The following ZNF337 variants were observed in gnomAD, a reference collection of about 807,000 sequenced individuals.
The protein encoded by ZNF337 is zinc finger protein 337.
In ZNF337, 8 loss-of-function variants were observed where a neutral mutation model predicts 12.1. The observed-to-expected ratio is 0.66, with a 90% CI of 0.39 to 1.19. ZNF337 has a LOEUF of 1.19. Ranked by LOEUF, ZNF337 falls within the 50% of genes most tolerant of loss-of-function variation. The pLI, the probability that ZNF337 is intolerant of heterozygous loss-of-function variation, is 0.01. For synonymous variants in ZNF337, 336 were observed against 320.0 expected (o/e 1.05, Z -0.53); for missense variants, 882 against 896.6 (o/e 0.98, Z 0.21).
chr20:25,685,907 AAAC>A (rs2122427791), intron 3 of ZNF337, 86 bp downstream of exon 3: 2 of 1,526,530 alleles, frequency 1.3e-6, no homozygotes, highest in South Asian at 2.6e-5. Flanking sequence ...GGAATAGAGA[AAAC>A]AACATTCTTG....
intron 4 of ZNF337, among the ~76,000 whole-genome samples, chr20:25,681,569 A>G (rs1034894087): frequency 6.6e-6 from 1 of 152,238 alleles, no homozygotes; most frequent in Admixed American, 6.5e-5. Context: ...TTCCACTTAC[A>G]TGAAGTTCTA....
At position 25,676,528 on chromosome 20, in the gene ZNF337, G is replaced by A; in HGVS notation, c.760C>T (p.His254Tyr). The change falls in exon 5 of 5, where the codon CAC becomes TAC. Residue 254 changes from histidine to tyrosine, a missense_variant. Coordinates refer to ENST00000252979, the MANE Select transcript of ZNF337 (RefSeq NM_015655.4). ...GFSLKANLLR[H>Y]QRTHSGEKPF... ...TTCTCTCCTGAGTGTGTCCTCTGGT[G>A]TCTGAGGAGGTTGGCCTTGAGGCTG... 1 of 1,614,182 alleles carries A rather than the reference G, an allele frequency of 6.2e-7. No homozygotes were observed. Among genetic ancestry groups the A allele is most frequent in the Non-Finnish European group, 8.5e-7 (1 of 1,180,034 alleles).
At chr20:25,696,467 C>G (rs911735425) in intron 1 of ZNF337, among the ~76,000 whole-genome samples, 19 of 152,206 alleles carry the variant, frequency 1.2e-4, no homozygotes, top group Non-Finnish European at 2.5e-4. Context: ...ACCTGGGTTG[C>G]TCGGCGCCCC....
At chr20:25,691,212 C>G (rs1041954902) in intron 1 of ZNF337, among the ~76,000 whole-genome samples, 6 of 152,028 alleles carry the variant, frequency 3.9e-5, no homozygotes, top group African/African-American at 1.5e-4. Context: ...GGCAGATGAG[C>G]AGGCAGAAGA....
chr20:25,686,720 A>C (rs1215205063), intron 1 of ZNF337: 6 of 464,086 alleles, frequency 1.3e-5, no homozygotes, highest in Non-Finnish European at 1.5e-5. Flanking sequence ...AAGGATGAGG[A>C]ACACCTGCAG....
In ZNF337 at chr20:25,687,636, A is replaced by G. The variant is rs1387233519; in HGVS notation, c.-49-1170T>C. ...CCAGTCCACTCTGCCAAAAGGAAAA[A>G]CATTAAGCTGAAAGCTAAGTCATGC... On this transcript the variant is annotated intron_variant, in intron 1 of 4. Coordinates refer to ENST00000252979, the MANE Select transcript of ZNF337 (RefSeq NM_015655.4). Among the ~76,000 whole-genome samples the G allele has an allele frequency of 2.6e-5, 4 of 152,226 alleles. No individual in the cohort carries two copies. In the East Asian group the frequency reaches 7.7e-4, roughly 29 times the overall value.
chr20:25,674,909 C>T lies in ZNF337; in HGVS notation c.*123G>A, dbSNP rs1225422815. 3 of 846,348 alleles carry T rather than the reference C, an allele frequency of 3.5e-6. No homozygotes were observed. The highest frequency in any genetic ancestry group is 3.6e-6 in the Non-Finnish European group (2 of 549,290). 52.4% of individuals were successfully genotyped at this position (846,348 alleles called of 1,614,324 possible). On this transcript the variant is annotated 3_prime_UTR_variant, in exon 5 of 5. Transcript: ENST00000252979. ...GGGTTGAATTCAGGTTCTCTGTAGC[C>T]CTCTGGATTCTGTCTGCCTCTGTTA...
At chr20:25,690,129 T>G (rs2065872367) in intron 1 of ZNF337, among the ~76,000 whole-genome samples, 1 of 152,036 alleles carries the variant, frequency 6.6e-6, no homozygotes, top group Non-Finnish European at 1.5e-5. Context: ...CTACAAAAAA[T>G]ATAAACATTA....
At chr20:25,696,664 C>G (rs550789293) in intron 1 of ZNF337, 95 bp downstream of exon 1, 4 of 856,834 alleles carry the variant, frequency 4.7e-6, no homozygotes, top group Non-Finnish European at 5.6e-6. Flanking sequence ...CGCGCTACGG[C>G]CCCAGCAGCG....
chr20:25,684,425 A>G (rs886274876), intron 4 of ZNF337, among the ~76,000 whole-genome samples: 1 of 152,224 alleles, frequency 6.6e-6, no homozygotes, highest in Non-Finnish European at 1.5e-5. Context: ...CCACAATGAG[A>G]TACCATCTCA....
chr20:25,696,099 C>T (rs921988864), intron 1 of ZNF337, among the ~76,000 whole-genome samples: 3 of 123,276 alleles, frequency 2.4e-5, no homozygotes, highest in Non-Finnish European at 5.0e-5. Context: ...CCCCCCCCCC[C>T]CCACCAAAAC....
chr20:25,685,063 C>A, intron 4 of ZNF337, among the ~76,000 whole-genome samples: 2 of 150,176 alleles, frequency 1.3e-5, no homozygotes, highest in South Asian at 2.1e-4. Flanking sequence ...CAACATGGCA[C>A]ATGTATACCT....
At chr20:25,694,195 GCATT>G (rs1410771778) in intron 1 of ZNF337, among the ~76,000 whole-genome samples, 1 of 152,102 alleles carries the variant, frequency 6.6e-6, no homozygotes, top group Non-Finnish European at 1.5e-5. Context: ...AAATTTTTCT[GCATT>G]CAATCTTCAC....
chr20:25,679,368 G>A (rs1002978765), intron 4 of ZNF337, among the ~76,000 whole-genome samples: 3 of 152,106 alleles, frequency 2.0e-5, no homozygotes, highest in Non-Finnish European at 2.9e-5. Context: ...GCAAAGGAAA[G>A]TATCAACAGT....
In ZNF337 at chr20:25,696,845, A is replaced by G. The variant is rs900139307; in HGVS notation, c.-136T>C. On this transcript the variant is annotated 5_prime_UTR_variant, in exon 1 of 5. Coordinates refer to ENST00000252979, the MANE Select transcript of ZNF337 (RefSeq NM_015655.4). ...GCTCGCTGACGCCCAGGGATCTGGA[A>G]CGCTCTGCGCCGCCCGGGACTACAC... 4.1e-6 allele frequency: 4 copies of G among 984,718 alleles called. No individual in the cohort carries two copies. In the African/African-American group the frequency reaches 7.0e-5, roughly 17 times the overall value. 61.0% of individuals were successfully genotyped at this position (984,718 alleles called of 1,614,324 possible). A position where few individuals can be genotyped will look rare whatever the true frequency, so the allele number is the denominator to read the frequency against.
chr20:25,696,636 G>T, intron 1 of ZNF337, 123 bp downstream of exon 1: 2 of 664,790 alleles, frequency 3.0e-6, no homozygotes, highest in Non-Finnish European at 3.7e-6. Flanking sequence ...ACGCGGAGAC[G>T]CCGGGCCTGG....
chr20:25,686,149 ACCAGGGACAGTGTTGC>A, intron 2 of ZNF337, 27 bp from the exon 3 acceptor site: 1 of 1,613,542 alleles, frequency 6.2e-7, no homozygotes. Flanking sequence ...AGGCATGCTC[ACCAGGGACAGTGTTGC>A]ACTCACGCAG....
Position 25,676,715 on chromosome 20 carries a change from C to T in ZNF337, c.573G>A (p.Arg191=). 1 of 1,614,184 alleles carries T rather than the reference C, an allele frequency of 6.2e-7. No homozygotes were observed. The highest frequency in any genetic ancestry group is 8.5e-7 in the Non-Finnish European group (1 of 1,180,038). ...KCAERGQDFS[R]KMMVIIHKKA... ...TTTTGTGTATGATTACCATCATCTT[C>T]CGGCTGAAGTCTTGCCCACGCTCTG... Residue 191 remains arginine (R), a synonymous_variant, in exon 5 of 5, where the codon CGG becomes CGA. Transcript: ENST00000252979.
At chr20:25,685,941 G>A (rs1246686730) in intron 3 of ZNF337, 55 bp downstream of exon 3, 2 of 1,571,254 alleles carry the variant, frequency 1.3e-6, no homozygotes, top group Non-Finnish European at 1.7e-6. Flanking sequence ...TAACCCTATG[G>A]CAACATCAGA....
Sources: allele counts gnomAD v4.1 joint callset (sites outside exome capture counted in the v4.1 genomes callset), GRCh38; gene constraint gnomAD v4.1.1; transcripts MANE v1.5; gene names NCBI Gene and HGNC (gene_info 2026-07-23, HGNC 2026-07-21).